MAPK9: variants seen among roughly 807,000 people sequenced by gnomAD.
The protein encoded by MAPK9 is mitogen-activated protein kinase 9.
A neutral mutation model predicts 57.1 loss-of-function variants in MAPK9; 30 were observed. That is an observed-to-expected ratio of 0.53 (90% confidence interval 0.39 to 0.71). The LOEUF is 0.71. MAPK9 is among the 30% of genes least tolerant of loss of function. The probability of loss-of-function intolerance (pLI) is 0.00; values close to 1 mark genes in which losing one functional copy is unlikely to be tolerated. For missense variants in MAPK9, 362 were observed against 521.0 expected, an observed-to-expected ratio of 0.69 and a Z score of 2.97; for synonymous variants, 155 against 177.0, an observed-to-expected ratio of 0.88 and a Z score of 0.99.
In MAPK9 at chr5:180,233,572, C is replaced by T. The variant is rs1392200190; in HGVS notation, c.*2812G>A. The T allele has an allele frequency of 2.6e-5, 4 of 152,140 alleles. No individual in the cohort carries two copies. Among genetic ancestry groups the T allele is most frequent in the Non-Finnish European group, 4.4e-5 (3 of 68,022 alleles). The allele number at this position is 152,140 out of a possible 1,614,324, so 9.4% of individuals were successfully genotyped here. ...TATCTAATTGCCATGTAAAAACACA[C>T]AAAAATTGGACATGCTATACATTTA... On this transcript the variant is annotated 3_prime_UTR_variant, in exon 12 of 12. Coordinates refer to ENST00000452135, the MANE Select transcript of MAPK9 (RefSeq NM_002752.5).
At chr5:180,275,058 G>A (rs1205409934) in intron 2 of MAPK9, among the ~76,000 whole-genome samples, 1 of 152,026 alleles carries the variant, frequency 6.6e-6, no homozygotes, top group African/African-American at 2.4e-5. Context: ...TTATCACCTT[G>A]AACGTAATAT....
intron 5 of MAPK9, among the ~76,000 whole-genome samples, chr5:180,253,186 G>A (rs1161498917): frequency 6.6e-6 from 1 of 152,208 alleles, no homozygotes; most frequent in Non-Finnish European, 1.5e-5. Context: ...GGCCCTCAGA[G>A]CTGCACCGCA....
At chr5:180,261,590 C>T in intron 5 of MAPK9, 94 bp downstream of exon 5, 3 of 1,196,384 alleles carry the variant, frequency 2.5e-6, no homozygotes, top group Non-Finnish European at 3.4e-6. Context: ...GATTTTCAAG[C>T]CTAACAATTT....
At position 180,287,279 on chromosome 5, in the gene MAPK9, C is replaced by A. The variant is rs528830518; in HGVS notation, c.-48+4569G>T. Among the ~76,000 whole-genome samples, 18 of 152,272 alleles carry A rather than the reference C, an allele frequency of 1.2e-4. No individual in the cohort carries two copies. The South Asian group carries it at 3.7e-3, about 32-fold the overall frequency. On this transcript the variant is annotated intron_variant, in intron 1 of 11. Transcript: ENST00000452135. ...GAACTCTATACACCTTGCTCCGATG[C>A]CCAATGTCCTGGTTTAGACATTTTA...
At chr5:180,289,476 G>A (rs948049747) in intron 1 of MAPK9, among the ~76,000 whole-genome samples, 1 of 152,186 alleles carries the variant, frequency 6.6e-6, no homozygotes, top group African/African-American at 2.4e-5. Context: ...TCCAGAACAA[G>A]TTAAAAGCCA....
chr5:180,261,275 C>T (rs1759926273), intron 5 of MAPK9, among the ~76,000 whole-genome samples: 1 of 152,198 alleles, frequency 6.6e-6, no homozygotes, highest in South Asian at 2.1e-4. Flanking sequence ...TCACTGACTA[C>T]TTGGCCTTTA....
chr5:180,247,717 A>G lies in MAPK9; in HGVS notation c.617-207T>C. On this transcript the variant is annotated intron_variant, in intron 6 of 11. Coordinates refer to ENST00000452135, the MANE Select transcript of MAPK9 (RefSeq NM_002752.5). This position sits in a 1 kb window ranked among gnomAD's most constrained non-coding sequence, Gnocchi z 4.5. ...CTGGGGTTTTAGTGCCAAAGAGTCC[A>G]ATACTTTATAGCTTAAAACAAACAA... 1 of 1,038,456 alleles carries G rather than the reference A, an allele frequency of 9.6e-7. No individual in the cohort carries two copies. The allele number at this position is 1,038,456 out of a possible 1,614,324, so 64.3% of individuals were successfully genotyped here.
chr5:180,269,988 T>TGTC (rs1184946139), intron 2 of MAPK9, among the ~76,000 whole-genome samples: 2 of 152,248 alleles, frequency 1.3e-5, no homozygotes, highest in African/African-American at 4.8e-5. Flanking sequence ...TTTAGAACTA[T>TGTC]CTCCTCCTAC....
chr5:180,261,624 A>G, intron 5 of MAPK9, 60 bp downstream of exon 5: 1 of 1,432,144 alleles, frequency 7.0e-7, no homozygotes, highest in Admixed American at 2.4e-5. Flanking sequence ...TTTTGTATGT[A>G]AAGGATTATG....
At position 180,247,789 on chromosome 5, in the gene MAPK9, G is replaced by A; in HGVS notation, c.617-279C>T. The stretch of plus-strand genomic sequence containing the variant: ...AACAAGAAGTGCCTGTGAACACAAA[G>A]CTTTTCAGGGCCACACGCCCACCCC... On this transcript the variant is annotated intron_variant, in intron 6 of 11. Transcript: ENST00000452135. This position sits in a 1 kb window ranked among gnomAD's most constrained non-coding sequence, Gnocchi z 4.5. The A allele has an allele frequency of 3.3e-6, 5 of 1,510,114 alleles. No individual in the cohort carries two copies. The highest frequency in any genetic ancestry group is 4.6e-6 in the Non-Finnish European group (5 of 1,085,980). The allele number at this position is 1,510,114 out of a possible 1,614,324, so 93.5% of individuals were successfully genotyped here.
chr5:180,261,881 A>C, intron 4 of MAPK9, 59 bp from the exon 5 acceptor site: 2 of 1,439,094 alleles, frequency 1.4e-6, no homozygotes, highest in East Asian at 2.4e-5. Context: ...TTTATGACTA[A>C]ATTTCATGAA....
At position 180,269,365 on chromosome 5, in the gene MAPK9, T is replaced by C. The variant is rs774268833; in HGVS notation, c.167A>G (p.Lys56Arg). ...TTGGTTCTGAAAAGGACGGCTTAGT[T>C]TCTTGACTGCAACATTTATCCCAAG... is the stretch of plus-strand genomic sequence containing the variant. ...TVLGINVAVKKLSRPFQNQTH... is the reference protein window; with the variant it reads ...TVLGINVAVKRLSRPFQNQTH... The change falls in exon 3 of 12, where the codon AAA becomes AGA. Residue 56 changes from lysine (K) to arginine (R), a missense_variant. Lys to Arg is a conservative substitution (Grantham distance 26). Transcript: ENST00000452135. The C allele has an allele frequency of 1.2e-6, 2 of 1,614,134 alleles. No individual in the cohort carries two copies. Among genetic ancestry groups the C allele is most frequent in the Non-Finnish European group, 1.7e-6 (2 of 1,179,968 alleles).
chr5:180,285,298 T>C (rs980463607), intron 1 of MAPK9, among the ~76,000 whole-genome samples: 2 of 152,214 alleles, frequency 1.3e-5, no homozygotes, highest in African/African-American at 4.8e-5. Context: ...TAGGAGTGTT[T>C]CACCACAATA....
chr5:180,253,767 C>T (rs1313562287), intron 5 of MAPK9: 9 of 152,260 alleles, frequency 5.9e-5, no homozygotes, highest in Non-Finnish European at 4.4e-5. Context: ...GAAGCACAGC[C>T]CTGTACCCCA....
At chr5:180,250,427 A>G (rs547384333) in intron 5 of MAPK9, among the ~76,000 whole-genome samples, 3 of 152,270 alleles carry the variant, frequency 2.0e-5, no homozygotes, top group Admixed American at 6.5e-5. Context: ...TCTTTTCACA[A>G]GAGTAGTGCA....
rs1230339771 is a variant in MAPK9 at position 180,236,507 on chromosome 5, G to A, written c.1152C>T (p.Asn384=). ...DQPSDAAVSS[N]ATPSQSSSIN... The stretch of plus-strand genomic sequence containing the variant: ...TCGATGAAGACTGAGAAGGAGTGGC[G>A]TTGCTACTTACTGCTGCATCTGTGC... The change falls in exon 12 of 12, where the codon AAC becomes AAT. Residue 384 remains asparagine (N), a synonymous_variant. Transcript: ENST00000452135. 6.2e-6 allele frequency: 10 copies of A among 1,613,898 alleles called. No individual in the cohort carries two copies. Among genetic ancestry groups the A allele is most frequent in the Admixed American group, 1.7e-5 (1 of 60,004 alleles).
intron 5 of MAPK9, among the ~76,000 whole-genome samples, chr5:180,251,405 C>T (rs11955394): frequency 0.066 from 9,987 of 152,266 alleles, 965 homozygotes; most frequent in African/African-American, 0.21. Flanking sequence ...GCCAGAAACA[C>T]GCTCATCTGA....
intron 5 of MAPK9, among the ~76,000 whole-genome samples, chr5:180,249,558 G>A (rs1430105151): frequency 2.0e-5 from 3 of 151,530 alleles, no homozygotes; most frequent in Non-Finnish European, 2.9e-5. Flanking sequence ...TGCTCTCCAC[G>A]CCTGGACTTG....
intron 5 of MAPK9, among the ~76,000 whole-genome samples, chr5:180,259,587 T>C (rs752738134): frequency 2.0e-5 from 3 of 151,522 alleles, no homozygotes; most frequent in Non-Finnish European, 4.4e-5. Context: ...CAGTTCTCTA[T>C]GTAAACATGA....
Sources: gnomAD v4.1 joint callset for allele counts (sites outside exome capture counted in the v4.1 genomes callset) on GRCh38, gnomAD v4.1.1 for gene constraint, Gnocchi (gnomAD v3.1) non-coding constraint, MANE v1.5 for transcripts, NCBI Gene and HGNC (gene_info 2026-07-23, HGNC 2026-07-21) for gene names.